Variants in ANO6 observed in about 807,000 individuals in gnomAD.
The protein encoded by ANO6 is anoctamin 6.
A neutral mutation model predicts 117.5 loss-of-function variants in ANO6; 106 were observed. That is an observed-to-expected ratio of 0.90 (90% CI 0.77 to 1.06). The LOEUF (loss-of-function observed/expected upper bound fraction) is 1.06, where lower values mean the gene tolerates loss of function less well. Ranked by LOEUF, ANO6 falls within the 50% of genes least tolerant of loss-of-function variation. The pLI is 0.00. For missense variants in ANO6, 955 were observed against 1,121.1 expected, an observed-to-expected ratio of 0.85 and a Z score of 2.12; for synonymous variants, 367 against 385.1, an observed-to-expected ratio of 0.95 and a Z score of 0.55.
rs1943588367 is a variant in ANO6 at position 45,429,628 on chromosome 12, TTC to T, written c.*319_*320del. On this transcript the variant is annotated 3_prime_UTR_variant, in exon 20 of 20. Coordinates refer to ENST00000320560, the MANE Select transcript of ANO6 (RefSeq NM_001025356.3). ...TCTAAAGTAGAATGGATTCTTTTTTTTCTGTTTGATTATTTTCATTTCTGTCT... is the reference window on the plus strand; with the variant it reads ...TCTAAAGTAGAATGGATTCTTTTTTTTGTTTGATTATTTTCATTTCTGTCT... 8.6e-7 allele frequency: 1 copy of T among 1,168,328 alleles called. No individual in the cohort carries two copies. The highest frequency in any genetic ancestry group is 1.6e-5 in the African/African-American group (1 of 62,456). The allele number at this position is 1,168,328 out of a possible 1,614,324, so 72.4% of individuals were successfully genotyped here. A position where few individuals can be genotyped will look rare whatever the true frequency, so the allele number is the denominator to read the frequency against.
intron 3 of ANO6, among the ~76,000 whole-genome samples, chr12:45,339,630 C>G (rs1260588488): frequency 6.6e-6 from 1 of 152,098 alleles, no homozygotes; most frequent in Non-Finnish European, 1.5e-5. Flanking sequence ...AATTCCTCAT[C>G]AGATCAGTCC....
intron 8 of ANO6, among the ~76,000 whole-genome samples, chr12:45,361,541 T>C (rs1336423934): frequency 1.3e-5 from 2 of 152,092 alleles, no homozygotes; most frequent in Non-Finnish European, 2.9e-5. Context: ...TTTTCTTACC[T>C]AGTTGTCCTG....
At chr12:45,381,495 GAC>G (rs1942168279) in intron 10 of ANO6, among the ~76,000 whole-genome samples, 2 of 152,152 alleles carry the variant, frequency 1.3e-5, no homozygotes, top group African/African-American at 4.8e-5. Context: ...CTCAATCTGG[GAC>G]ACACAGCATT....
Position 45,408,128 on chromosome 12 carries a change from G to A in ANO6, c.1881-1229G>A, listed in dbSNP as rs554585377. Among the ~76,000 whole-genome samples the A allele has an allele frequency of 1.1e-4, 17 of 152,308 alleles. No homozygotes were observed. The South Asian group carries it at 2.5e-3, about 22-fold the overall frequency. On this transcript the variant is annotated intron_variant, in intron 15 of 19. Transcript: ENST00000320560. ...TGTCTTATGCTGGCTGGGTGTGCAC[G>A]TGTGCACATGTGATGGAGAGGATGA...
chr12:45,381,569 A>G (rs1240933267), intron 10 of ANO6, among the ~76,000 whole-genome samples: 3 of 152,216 alleles, frequency 2.0e-5, no homozygotes, highest in African/African-American at 7.2e-5. Context: ...CTAGGTTAGC[A>G]GTGCCTTCCA....
chr12:45,235,311 CTG>C (rs1278436226), intron 1 of ANO6, among the ~76,000 whole-genome samples: 1 of 152,144 alleles, frequency 6.6e-6, no homozygotes, highest in East Asian at 1.9e-4. Flanking sequence ...TGTGATGAAA[CTG>C]TTGTATTTTC....
chr12:45,412,087 T>A (rs1464554932), intron 16 of ANO6, among the ~76,000 whole-genome samples: 1 of 152,230 alleles, frequency 6.6e-6, no homozygotes, highest in African/African-American at 2.4e-5. Context: ...TTTCCCACCA[T>A]CCTTTGAGAT....
Position 45,241,515 on chromosome 12 carries a change from A to G in ANO6, c.70+25124A>G, listed in dbSNP as rs537282375. 2.0e-5 allele frequency among the ~76,000 whole-genome samples: 3 copies of G among 152,208 alleles called. No individual in the cohort carries two copies. The East Asian group carries it at 5.8e-4, about 29-fold the overall frequency. Reference sequence around the variant, plus strand: ...TAGAACATAAACTTTTAGCTCAGAGAAGTTTGTTATTACCGACATTCTGAA... The same window carrying G: ...TAGAACATAAACTTTTAGCTCAGAGGAGTTTGTTATTACCGACATTCTGAA... On this transcript the variant is annotated intron_variant, in intron 1 of 19. Coordinates refer to ENST00000320560, the MANE Select transcript of ANO6 (RefSeq NM_001025356.3).
At position 45,357,555 on chromosome 12, in the gene ANO6, T is replaced by A. The variant is rs776918277; in HGVS notation, c.998+131T>A. ...TTCATTGCTTGGGATGATATATCCC[T>A]TTTGTTCTGAGCACAATAACTGAGT... On this transcript the variant is annotated intron_variant, in intron 8 of 19. Transcript: ENST00000320560. 3 of 1,194,444 alleles carry A rather than the reference T, an allele frequency of 2.5e-6. No individual in the cohort carries two copies. The Admixed American group carries it at 6.2e-5, about 25-fold the overall frequency. The allele number at this position is 1,194,444 out of a possible 1,614,324, so 74.0% of individuals were successfully genotyped here.
intron 1 of ANO6, among the ~76,000 whole-genome samples, chr12:45,246,355 T>C (rs892054777): frequency 1.3e-5 from 2 of 152,212 alleles, no homozygotes; most frequent in African/African-American, 4.8e-5. Context: ...TGTAATCCTT[T>C]TTGAGTTCTT....
At position 45,403,015 on chromosome 12, in the gene ANO6, A is replaced by G. The variant is rs544182772; in HGVS notation, c.1613-57A>G. On this transcript the variant is annotated intron_variant, in intron 13 of 19. Transcript: ENST00000320560. ...AACTCATGTATCAGTATTTTTTATT[A>G]GAGTCTCAAAGCTGTTCACAATTTT... The G allele has an allele frequency of 6.9e-5, 102 of 1,489,016 alleles. 2 individuals carry two copies. In the South Asian group the frequency reaches 1.1e-3, roughly 16 times the overall value. The allele number at this position is 1,489,016 out of a possible 1,614,324, so 92.2% of individuals were successfully genotyped here. A position where few individuals can be genotyped will look rare whatever the true frequency, so the allele number is the denominator to read the frequency against.
intron 1 of ANO6, among the ~76,000 whole-genome samples, chr12:45,268,320 A>G (rs1445075032): frequency 1.3e-5 from 2 of 152,156 alleles, no homozygotes; most frequent in Non-Finnish European, 2.9e-5. Flanking sequence ...TAGGATTCCA[A>G]GACCAGCCTG....
intron 1 of ANO6, among the ~76,000 whole-genome samples, chr12:45,271,651 A>G (rs1188604925): frequency 6.6e-6 from 1 of 152,138 alleles, no homozygotes; most frequent in Non-Finnish European, 1.5e-5. Context: ...GTATTTTCAG[A>G]TTTGCACTAT....
At chr12:45,296,790 T>C (rs572409487) in intron 1 of ANO6, among the ~76,000 whole-genome samples, 6 of 152,310 alleles carry the variant, frequency 3.9e-5, no homozygotes, top group African/African-American at 1.4e-4. Context: ...TAACCTTAAT[T>C]ATTCTTCATC....
chr12:45,306,211 C>T (rs571224125), intron 2 of ANO6, among the ~76,000 whole-genome samples: 10 of 152,214 alleles, frequency 6.6e-5, no homozygotes, highest in East Asian at 3.9e-4. Flanking sequence ...TTCTAGAACT[C>T]GAGGTTATAT....
intron 16 of ANO6, among the ~76,000 whole-genome samples, chr12:45,413,312 T>TA (rs1336320400): frequency 2.0e-5 from 3 of 152,154 alleles, no homozygotes; most frequent in Non-Finnish European, 4.4e-5. Flanking sequence ...TGGTAAGTGT[T>TA]AAAGCGGTGA....
At chr12:45,401,381 A>T (rs1247433935) in intron 12 of ANO6, among the ~76,000 whole-genome samples, 2 of 152,122 alleles carry the variant, frequency 1.3e-5, no homozygotes, top group Non-Finnish European at 2.9e-5. Flanking sequence ...TGTAGAAGGG[A>T]TGTTTTCTTT....
chr12:45,264,478 TG>T (rs35752641), intron 1 of ANO6, among the ~76,000 whole-genome samples: 1 of 152,206 alleles, frequency 6.6e-6, no homozygotes, highest in Non-Finnish European at 1.5e-5. Context: ...GATAATTTTT[TG>T]GGGGGTTGGC....
intron 3 of ANO6, among the ~76,000 whole-genome samples, chr12:45,339,590 C>G (rs976340048): frequency 2.6e-5 from 4 of 151,992 alleles, no homozygotes; most frequent in Non-Finnish European, 4.4e-5. Flanking sequence ...TTTTTTGTCC[C>G]CTAGTGAACA....
Sources: allele counts gnomAD v4.1 joint callset (sites outside exome capture counted in the v4.1 genomes callset), GRCh38; gene constraint gnomAD v4.1.1; transcripts MANE v1.5; gene names NCBI Gene and HGNC (gene_info 2026-07-23, HGNC 2026-07-21).